Variants in FBXW11 observed in about 807,000 individuals in gnomAD.
The protein encoded by FBXW11 is F-box and WD repeat domain containing 11, also known as F-box/WD repeat-containing protein 11.
A neutral mutation model predicts 77.6 loss-of-function variants in FBXW11; 19 were observed. That is an observed-to-expected ratio of 0.24 (90% CI 0.17 to 0.36). The LOEUF is 0.36. FBXW11 is among the 10% of genes least tolerant of loss of function. The pLI is 1.00. For synonymous variants in FBXW11, 235 were observed against 249.4 expected (o/e 0.94, Z 0.54); for missense variants, 334 against 704.2 (o/e 0.47, Z 5.95).
intron 8 of FBXW11, among the ~76,000 whole-genome samples, chr5:171,877,189 G>A (rs549108097): frequency 6.6e-6 from 1 of 152,272 alleles, no homozygotes; most frequent in East Asian, 1.9e-4. Flanking sequence ...CAGGTATTTA[G>A]GGACGGTGTT....
chr5:171,892,114 C>T (rs893651266), intron 6 of FBXW11, among the ~76,000 whole-genome samples: 1 of 152,154 alleles, frequency 6.6e-6, no homozygotes, highest in Non-Finnish European at 1.5e-5. Context: ...AAAAATGGTA[C>T]ATTTTAGCCC....
Position 171,899,026 on chromosome 5 carries a change from G to A in FBXW11, c.692C>T (p.Pro231Leu), listed in dbSNP as rs749536268. 1 of 1,603,790 alleles carries A rather than the reference G, an allele frequency of 6.2e-7. No homozygotes were observed. The highest frequency in any genetic ancestry group is 8.5e-7 in the Non-Finnish European group (1 of 1,175,488). The change falls in exon 6 of 14, where the codon CCA (proline) becomes CTA (leucine). Residue 231 changes from proline (P) to leucine (L), a missense_variant. Transcript: ENST00000517395. The stretch of plus-strand genomic sequence containing the variant: ...TACCTCTATATCCTGGATAATCTTT[G>A]GGTATAATGACCTATAAAATGAATT... Reference protein sequence around the residue: ...PPNSFYRSLYPKIIQDIETIE... With the variant: ...PPNSFYRSLYLKIIQDIETIE...
At chr5:171,985,162 A>G (rs1310215272) in intron 1 of FBXW11, among the ~76,000 whole-genome samples, 1 of 152,170 alleles carries the variant, frequency 6.6e-6, no homozygotes, top group Admixed American at 6.5e-5. Context: ...GGGACATTCC[A>G]ACAGTAAATG....
chr5:171,931,502 C>A (rs1036216386), intron 2 of FBXW11, among the ~76,000 whole-genome samples: 6 of 152,190 alleles, frequency 3.9e-5, no homozygotes, highest in Non-Finnish European at 7.3e-5. Flanking sequence ...ACTCAGCTTA[C>A]ACATTTCACA....
intron 2 of FBXW11, among the ~76,000 whole-genome samples, chr5:171,946,707 G>A (rs1168693674): frequency 1.3e-5 from 2 of 149,872 alleles, no homozygotes; most frequent in Non-Finnish European, 2.9e-5. Context: ...TTCCCTCTTC[G>A]CTCTATTTAA....
intron 1 of FBXW11, among the ~76,000 whole-genome samples, chr5:171,958,665 A>G (rs567311954): frequency 6.6e-6 from 1 of 152,382 alleles, no homozygotes; most frequent in African/African-American, 2.4e-5. Flanking sequence ...GAACATATGT[A>G]CTACGGCTAC....
At chr5:171,919,708 C>T (rs539259572) in intron 2 of FBXW11, among the ~76,000 whole-genome samples, 1 of 152,326 alleles carries the variant, frequency 6.6e-6, no homozygotes, top group African/African-American at 2.4e-5. Context: ...AAATGTTACA[C>T]AACTTGCCTT....
chr5:171,913,484 A>ATGTT, intron 3 of FBXW11, among the ~76,000 whole-genome samples: 1 of 152,192 alleles, frequency 6.6e-6, no homozygotes, highest in African/African-American at 2.4e-5. Flanking sequence ...TTAAGAAGAA[A>ATGTT]ATAACAGCAT....
intron 1 of FBXW11, 45 bp downstream of exon 1, chr5:172,006,413 G>A (rs930124997): frequency 6.7e-7 from 1 of 1,502,160 alleles, no homozygotes; most frequent in South Asian, 1.2e-5. Flanking sequence ...GCCCGCCCGG[G>A]GCCGGACGGA....
chr5:171,994,844 C>T (rs1483771078), intron 1 of FBXW11, among the ~76,000 whole-genome samples: 1 of 152,088 alleles, frequency 6.6e-6, no homozygotes, highest in East Asian at 1.9e-4. Context: ...TTGAGACCAG[C>T]CTGGCCAACA....
chr5:171,945,102 A>C (rs1053088535), intron 2 of FBXW11, among the ~76,000 whole-genome samples: 3 of 152,230 alleles, frequency 2.0e-5, no homozygotes, highest in African/African-American at 7.2e-5. Flanking sequence ...GAAAACAAAC[A>C]AACATGGAAT....
At position 171,862,432 on chromosome 5, in the gene FBXW11, A is replaced by AGG. The variant is rs58653367; in HGVS notation, c.*1693_*1694dup. The AGG allele has an allele frequency of 6.5e-6, 1 of 152,672 alleles. No individual in the cohort carries two copies. The highest frequency in any genetic ancestry group is 1.5e-5 in the Non-Finnish European group (1 of 68,052). 9.5% of individuals were successfully genotyped at this position (152,672 alleles called of 1,614,324 possible). A position where few individuals can be genotyped will look rare whatever the true frequency, so the allele number is the denominator to read the frequency against. ...CAATGCAAAGGACAAATCAGAGCCC[A>AGG]GGGCCTTCCCTTTAGTAGTAGAGTG... On this transcript the variant is annotated 3_prime_UTR_variant, in exon 14 of 14. Coordinates refer to ENST00000517395, the MANE Select transcript of FBXW11 (RefSeq NM_001378974.1).
At chr5:171,972,153 G>A (rs1474894311) in intron 1 of FBXW11, among the ~76,000 whole-genome samples, 1 of 150,484 alleles carries the variant, frequency 6.6e-6, no homozygotes, top group Admixed American at 6.6e-5. Flanking sequence ...AATCACATGA[G>A]CCTGGGAAGT....
intron 4 of FBXW11, among the ~76,000 whole-genome samples, chr5:171,909,520 A>G (rs1474052200): frequency 6.6e-6 from 1 of 152,204 alleles, no homozygotes; most frequent in Non-Finnish European, 1.5e-5. Flanking sequence ...ATGAATTGTA[A>G]CAAATGTACT....
intron 1 of FBXW11, among the ~76,000 whole-genome samples, chr5:171,985,777 A>G (rs1400177040): frequency 2.0e-5 from 3 of 151,866 alleles, no homozygotes; most frequent in East Asian, 3.9e-4. Context: ...TGTACCGAAA[A>G]ATAAAATATG....
rs1371498023 is a variant in FBXW11, at chr5:171,869,853, A to G, written c.1452-46T>C. The G allele has an allele frequency of 1.5e-6, 2 of 1,312,306 alleles. No homozygotes were observed. The highest frequency in any genetic ancestry group is 2.9e-5 in the African/African-American group (2 of 68,054). 81.3% of individuals were successfully genotyped at this position (1,312,306 alleles called of 1,614,324 possible). A position where few individuals can be genotyped will look rare whatever the true frequency, so the allele number is the denominator to read the frequency against. On this transcript the variant is annotated intron_variant, in intron 11 of 13. Coordinates refer to ENST00000517395, the MANE Select transcript of FBXW11 (RefSeq NM_001378974.1). The surrounding 1 kb of genome is among the most constrained non-coding windows in gnomAD (Gnocchi z 4.1). ...TGATTAGTGGAAAAGTGAACAATTTATATGCTGTCAAACATTTCCTTGAAA... is the reference window on the plus strand; with the variant it reads ...TGATTAGTGGAAAAGTGAACAATTTGTATGCTGTCAAACATTTCCTTGAAA...
At chr5:171,918,340 T>G (rs930632070) in intron 2 of FBXW11, among the ~76,000 whole-genome samples, 1 of 152,164 alleles carries the variant, frequency 6.6e-6, no homozygotes. Flanking sequence ...GCTATAATTT[T>G]TTTAATCACT....
rs78057965 is a variant in FBXW11, at chr5:171,931,546, G to A, written c.148-17141C>T. 2.5e-3 allele frequency among the ~76,000 whole-genome samples: 382 copies of A among 152,236 alleles called. 15 individuals are homozygous for A. In the East Asian group the frequency reaches 0.066, roughly 26 times the overall value. On this transcript the variant is annotated intron_variant, in intron 2 of 13. Transcript: ENST00000517395. ...CTGAATACAGATTACAAGCCTAAAT[G>A]GAAAATGGAAAGCTCTAAAACTCCT...
chr5:171,947,058 C>T (rs1196688453), intron 2 of FBXW11, among the ~76,000 whole-genome samples: 1 of 152,116 alleles, frequency 6.6e-6, no homozygotes, highest in Non-Finnish European at 1.5e-5. Flanking sequence ...AAGTGATCTA[C>T]CTGCCTTGGC....
Sources: allele counts gnomAD v4.1 joint callset (sites outside exome capture counted in the v4.1 genomes callset), GRCh38; gene constraint gnomAD v4.1.1; non-coding constraint Gnocchi (gnomAD v3.1); transcripts MANE v1.5; gene names NCBI Gene and HGNC (gene_info 2026-07-23, HGNC 2026-07-21).